GRID1: variants seen among roughly 807,000 people sequenced by gnomAD.
GRID1 encodes glutamate receptor ionotropic, delta-1.
A neutral mutation model predicts 98.0 loss-of-function variants in GRID1; 28 were observed. That is an observed-to-expected ratio of 0.29 (90% confidence interval 0.21 to 0.39). The LOEUF (loss-of-function observed/expected upper bound fraction) is 0.39. Among genes scored for constraint, GRID1 ranks in the 10% least tolerant of loss-of-function variants. The pLI is 1.00. For synonymous variants in GRID1, 553 were observed against 538.5 expected, an observed-to-expected ratio of 1.03 and a Z score of -0.37; for missense variants, 1,111 against 1,340.5, an observed-to-expected ratio of 0.83 and a Z score of 2.67.
At chr10:86,172,773 G>A (rs754964817) in intron 3 of GRID1, among the ~76,000 whole-genome samples, 11 of 151,876 alleles carry the variant, frequency 7.2e-5, no homozygotes, top group South Asian at 2.1e-4. Flanking sequence ...AGTTAAGGCC[G>A]TAAAACCTAA....
At chr10:85,716,909 T>C (rs925069367) in intron 12 of GRID1, among the ~76,000 whole-genome samples, 15 of 152,078 alleles carry the variant, frequency 9.9e-5, no homozygotes, top group Non-Finnish European at 2.2e-4. Flanking sequence ...GTCAAACTCA[T>C]AGAAGCGGAG....
rs116707550 is a variant in GRID1 at position 86,340,895 on chromosome 10, A to T, written c.235+23046T>A. On this transcript the variant is annotated intron_variant, in intron 2 of 15. Coordinates refer to ENST00000327946, the MANE Select transcript of GRID1 (RefSeq NM_017551.3). ...GAGAAAGGCCTTCACTCTGCCTCTC[A>T]GGAGCCTACTCCTGCTCAGGCCTCC... 1.0e-3 allele frequency among the ~76,000 whole-genome samples: 153 copies of T among 152,250 alleles called. 1 individual carries two copies. The highest frequency in any genetic ancestry group is 3.5e-3 in the African/African-American group (146 of 41,540).
intron 4 of GRID1, among the ~76,000 whole-genome samples, chr10:86,112,263 C>T (rs75078934): frequency 5.9e-5 from 9 of 152,258 alleles, no homozygotes; most frequent in East Asian, 5.8e-4. Context: ...CAGGATGAGG[C>T]GTGGCCCAGC....
chr10:85,965,101 C>A (rs1316399070), intron 4 of GRID1, among the ~76,000 whole-genome samples: 1 of 152,152 alleles, frequency 6.6e-6, no homozygotes, highest in African/African-American at 2.4e-5. Flanking sequence ...CATCTCATGC[C>A]AGTTAGAATG....
At chr10:85,796,336 T>A in intron 8 of GRID1, among the ~76,000 whole-genome samples, 1 of 152,166 alleles carries the variant, frequency 6.6e-6, no homozygotes. Flanking sequence ...CTAGACATAT[T>A]GTGATTAAAA....
intron 5 of GRID1, among the ~76,000 whole-genome samples, chr10:85,880,806 T>G (rs895406096): frequency 7.9e-5 from 12 of 152,144 alleles, no homozygotes; most frequent in Non-Finnish European, 1.2e-4. Flanking sequence ...TAAAGGGTAT[T>G]CAATTAGGAA....
intron 6 of GRID1, among the ~76,000 whole-genome samples, chr10:85,866,307 A>G (rs1296622575): frequency 6.7e-6 from 1 of 150,300 alleles, no homozygotes; most frequent in Non-Finnish European, 1.5e-5. Context: ...TCACACCAAA[A>G]AAAAAAAAAA....
chr10:85,967,188 T>C (rs1842348406), intron 4 of GRID1, among the ~76,000 whole-genome samples: 1 of 152,250 alleles, frequency 6.6e-6, no homozygotes, highest in Non-Finnish European at 1.5e-5. Context: ...ATTAAACCTT[T>C]TTCTTTATAA....
intron 4 of GRID1, among the ~76,000 whole-genome samples, chr10:85,942,720 A>C (rs1564632083): frequency 6.6e-6 from 1 of 152,212 alleles, no homozygotes; most frequent in Non-Finnish European, 1.5e-5. Flanking sequence ...ACAAAAGTCT[A>C]TTTTGAAATT....
chr10:86,209,110 A>T (rs1846073898), intron 2 of GRID1, among the ~76,000 whole-genome samples: 1 of 152,254 alleles, frequency 6.6e-6, no homozygotes, highest in South Asian at 2.1e-4. Context: ...ATTAAATAAA[A>T]CATCAACATG....
chr10:86,052,973 T>C (rs1843522301), intron 4 of GRID1, among the ~76,000 whole-genome samples: 2 of 152,148 alleles, frequency 1.3e-5, no homozygotes, highest in Admixed American at 1.3e-4. Context: ...CAAAGACAGG[T>C]ACAAAGCTGT....
chr10:86,285,983 T>G (rs1847425478), intron 2 of GRID1, among the ~76,000 whole-genome samples: 1 of 152,142 alleles, frequency 6.6e-6, no homozygotes, highest in Non-Finnish European at 1.5e-5. Flanking sequence ...TGGGTTTAGG[T>G]CTAGAAATTG....
intron 4 of GRID1, among the ~76,000 whole-genome samples, chr10:86,136,999 A>T (rs1049523823): frequency 1.3e-5 from 2 of 152,190 alleles, no homozygotes; most frequent in African/African-American, 4.8e-5. Context: ...GACAAAAAAA[A>T]AAGTGGCCAC....
chr10:85,949,905 GGGATGGATGGATGGAT>G (rs35077466), intron 4 of GRID1, among the ~76,000 whole-genome samples: 1 of 149,748 alleles, frequency 6.7e-6, no homozygotes, highest in Non-Finnish European at 1.5e-5. Context: ...GAGAACTATA[GGGATGGATGGATGGAT>G]GGATGGATGG....
chr10:85,912,063 A>T (rs1304606823), intron 5 of GRID1, among the ~76,000 whole-genome samples: 3 of 152,234 alleles, frequency 2.0e-5, no homozygotes, highest in African/African-American at 7.2e-5. Context: ...TACACTATGT[A>T]CATTGACCTG....
At chr10:85,762,346 A>G (rs188029774) in intron 8 of GRID1, among the ~76,000 whole-genome samples, 43 of 152,338 alleles carry the variant, frequency 2.8e-4, no homozygotes, top group Admixed American at 2.5e-3. Context: ...TCTAAATGAG[A>G]TTTCAAATAA....
intron 2 of GRID1, among the ~76,000 whole-genome samples, chr10:86,225,921 G>C (rs367955894): frequency 2.6e-4 from 39 of 152,236 alleles, no homozygotes; most frequent in African/African-American, 9.4e-4. Flanking sequence ...CACCATCAAG[G>C]CTGCAGGCAT....
At chr10:85,767,168 T>C (rs1453274935) in intron 8 of GRID1, among the ~76,000 whole-genome samples, 2 of 152,252 alleles carry the variant, frequency 1.3e-5, no homozygotes, top group Non-Finnish European at 1.5e-5. Flanking sequence ...ATTTGTCTTA[T>C]GAAAGTTGTA....
intron 4 of GRID1, among the ~76,000 whole-genome samples, chr10:86,024,271 T>C (rs1438754916): frequency 6.6e-6 from 1 of 152,174 alleles, no homozygotes; most frequent in African/African-American, 2.4e-5. Context: ...CACCCAGCCG[T>C]CTGGTGCAAA....
Sources: allele counts gnomAD v4.1 joint callset (sites outside exome capture counted in the v4.1 genomes callset), GRCh38; gene constraint gnomAD v4.1.1; transcripts MANE v1.5; gene names NCBI Gene and HGNC (gene_info 2026-07-23, HGNC 2026-07-21).